The following STC1 variants were observed in gnomAD, a reference collection of about 807,000 sequenced individuals.
STC1 encodes stanniocalcin-1.
STC1 carries 7 observed loss-of-function variants against 22.6 expected under a neutral mutation model. The ratio of observed to expected loss-of-function variants is 0.31; its 90% CI spans 0.18 to 0.58. The LOEUF (loss-of-function observed/expected upper bound fraction) is 0.58. Among genes scored for constraint, STC1 ranks in the 20% least tolerant of loss-of-function variants. STC1 has a pLI of 0.89. For missense variants in STC1, 224 were observed against 311.0 expected (o/e 0.72, Z 2.10); for synonymous variants, 113 against 120.7 (o/e 0.94, Z 0.42).
chr8:23,850,526 A>G (rs1242717761), intron 3 of STC1, among the ~76,000 whole-genome samples: 29 of 152,306 alleles, frequency 1.9e-4, no homozygotes, highest in Admixed American at 1.9e-3. Flanking sequence ...GGCCACGCAC[A>G]TGAACTGAGG....
At position 23,854,656 on chromosome 8, in the gene STC1, T is replaced by A. The variant is rs902486723; in HGVS notation, c.-133A>T. Reference sequence around the variant, plus strand: ...GCTTAGGTGAGGATTTGATGAGGATTTTTTTTTGTTGTTGTTGCTGGTGAT... The same window carrying A: ...GCTTAGGTGAGGATTTGATGAGGATATTTTTTTGTTGTTGTTGCTGGTGAT... On this transcript the variant is annotated 5_prime_UTR_variant, in exon 1 of 4. Coordinates refer to ENST00000290271, the MANE Select transcript of STC1 (RefSeq NM_003155.3). 3.5e-6 allele frequency: 3 copies of A among 864,852 alleles called. No homozygotes were observed. The highest frequency in any genetic ancestry group is 5.9e-6 in the Non-Finnish European group (3 of 511,782). 53.6% of individuals were successfully genotyped at this position (864,852 alleles called of 1,614,324 possible).
intron 1 of STC1, among the ~76,000 whole-genome samples, chr8:23,852,983 A>G (rs1304173876): frequency 6.6e-6 from 1 of 152,148 alleles, no homozygotes; most frequent in Non-Finnish European, 1.5e-5. Flanking sequence ...ACCCTCCACT[A>G]GGACAGTGCT....
In STC1 at chr8:23,854,770, C is replaced by G; in HGVS notation, c.-247G>C. 1.7e-6 allele frequency: 1 copy of G among 604,512 alleles called. No individual in the cohort carries two copies. 37.4% of individuals were successfully genotyped at this position (604,512 alleles called of 1,614,324 possible). ...ACCGCCGCTGCTGCTGCTGCTGCTG[C>G]AGTCGCTGCTTCTTGCACCTCTGGC... On this transcript the variant is annotated 5_prime_UTR_variant, in exon 1 of 4. Coordinates refer to ENST00000290271, the MANE Select transcript of STC1 (RefSeq NM_003155.3).
chr8:23,844,859 G>T lies in STC1; in HGVS notation c.655C>A (p.Pro219Thr). Residue 219 changes from proline (P) to threonine (T), a missense_variant, in exon 4 of 4, where the codon CCG becomes ACG. Coordinates refer to ENST00000290271, the MANE Select transcript of STC1 (RefSeq NM_003155.3). ...ADFNRRRTNE[P>T]QKLKVLLRNL... ...CTGAGGAGGACTTTCAGCTTCTGCGGCTCATTGGTGCGTCTCCTGTTGAAG... is the reference window on the plus strand; with the variant it reads ...CTGAGGAGGACTTTCAGCTTCTGCGTCTCATTGGTGCGTCTCCTGTTGAAG... 6.2e-7 allele frequency: 1 copy of T among 1,614,070 alleles called. No individual in the cohort carries two copies. Among genetic ancestry groups the T allele is most frequent in the Non-Finnish European group, 8.5e-7 (1 of 1,180,004 alleles).
Position 23,851,356 on chromosome 8 carries a change from G to T in STC1, c.437C>A (p.Thr146Asn). ...SIAKRNPEAITEVVQLPNHFS... is the reference protein window; with the variant it reads ...SIAKRNPEAINEVVQLPNHFS... Reference sequence around the variant, plus strand: ...GTGATTGGGCAGCTGGACGACCTCAGTGATGGCTTCAGGGTTCCGCTTGGC... The same window carrying T: ...GTGATTGGGCAGCTGGACGACCTCATTGATGGCTTCAGGGTTCCGCTTGGC... Residue 146 changes from threonine to asparagine, a missense_variant, in exon 3 of 4, where the codon ACT (threonine) becomes AAT (asparagine). Physicochemically the swap from Thr to Asn is moderately conservative, Grantham distance 65. Coordinates refer to ENST00000290271, the MANE Select transcript of STC1 (RefSeq NM_003155.3). 2.5e-6 allele frequency: 4 copies of T among 1,614,136 alleles called. No homozygotes were observed. The highest frequency in any genetic ancestry group is 3.4e-6 in the Non-Finnish European group (4 of 1,180,044).
At chr8:23,850,199 T>G (rs1246514657) in intron 3 of STC1, among the ~76,000 whole-genome samples, 3 of 152,240 alleles carry the variant, frequency 2.0e-5, no homozygotes, top group African/African-American at 7.2e-5. Context: ...TGTACATGAC[T>G]AAATCACTTG....
Position 23,844,584 on chromosome 8 carries a change from T to A in STC1, c.*186A>T. 1 of 674,446 alleles carries A rather than the reference T, an allele frequency of 1.5e-6. No individual in the cohort carries two copies. Among genetic ancestry groups the A allele is most frequent in the Non-Finnish European group, 2.4e-6 (1 of 409,546 alleles). The allele number at this position is 674,446 out of a possible 1,614,324, so 41.8% of individuals were successfully genotyped here. Reference sequence around the variant, plus strand: ...GTCACATGGATTTTGTTGGTGGGAATGCTGCCATTGCAGAATGTTGGGATA... The same window carrying A: ...GTCACATGGATTTTGTTGGTGGGAAAGCTGCCATTGCAGAATGTTGGGATA... On this transcript the variant is annotated 3_prime_UTR_variant, in exon 4 of 4. Coordinates refer to ENST00000290271, the MANE Select transcript of STC1 (RefSeq NM_003155.3).
At chr8:23,846,390 C>T (rs948317821) in intron 3 of STC1, among the ~76,000 whole-genome samples, 17 of 152,236 alleles carry the variant, frequency 1.1e-4, no homozygotes, top group African/African-American at 3.9e-4. Context: ...CCTCTGTGTT[C>T]GCTAATAAGA....
intron 2 of STC1, 67 bp downstream of exon 2, chr8:23,852,175 A>C: frequency 6.3e-7 from 1 of 1,597,358 alleles, no homozygotes; most frequent in Admixed American, 1.7e-5. Flanking sequence ...CTGGTTCCTA[A>C]GAACCATGGT....
rs1802536428 is a variant in STC1, at chr8:23,843,359, G to A, written c.*1411C>T. The A allele has an allele frequency of 6.6e-6, 1 of 151,988 alleles. No individual in the cohort carries two copies. Among genetic ancestry groups the A allele is most frequent in the Non-Finnish European group, 1.5e-5 (1 of 67,954 alleles). The allele number at this position is 151,988 out of a possible 1,614,324, so 9.4% of individuals were successfully genotyped here. On this transcript the variant is annotated 3_prime_UTR_variant, in exon 4 of 4. Transcript: ENST00000290271. Reference sequence around the variant, plus strand: ...TCCTACAGAGATGGTCCAGCTGCCAGGACTACTTTGGCAGGCAGCGTGCTA... The same window carrying A: ...TCCTACAGAGATGGTCCAGCTGCCAAGACTACTTTGGCAGGCAGCGTGCTA...
chr8:23,846,843 TGAG>T (rs1428517309), intron 3 of STC1, among the ~76,000 whole-genome samples: 3 of 152,142 alleles, frequency 2.0e-5, no homozygotes, highest in Non-Finnish European at 4.4e-5. Flanking sequence ...GATGGGGAAA[TGAG>T]GAGAAAACCA....
intron 1 of STC1, among the ~76,000 whole-genome samples, chr8:23,853,767 T>A (rs955938549): frequency 1.8e-4 from 26 of 147,270 alleles, no homozygotes; most frequent in South Asian, 8.9e-4. Flanking sequence ...CGTTTCACAA[T>A]TTTTTTTTTC....
intron 3 of STC1, 82 bp from the exon 4 acceptor site, chr8:23,845,122 AC>A: frequency 6.9e-7 from 1 of 1,457,718 alleles, no homozygotes; most frequent in Non-Finnish European, 9.4e-7. Context: ...GCTCTAGCCA[AC>A]ACGAGTCCCT....
chr8:23,846,835 TG>T (rs1802578962), intron 3 of STC1, among the ~76,000 whole-genome samples: 2 of 152,192 alleles, frequency 1.3e-5, no homozygotes, highest in Admixed American at 6.5e-5. Context: ...CTCCTTTGGA[TG>T]GGGAAATGAG....
intron 3 of STC1, among the ~76,000 whole-genome samples, chr8:23,847,478 A>T (rs1802586672): frequency 6.6e-6 from 1 of 152,150 alleles, no homozygotes; most frequent in Non-Finnish European, 1.5e-5. Flanking sequence ...GCTTTTGTTA[A>T]CTCAGCAAGG....
chr8:23,847,727 G>A (rs1585306060), intron 3 of STC1, among the ~76,000 whole-genome samples: 1 of 152,196 alleles, frequency 6.6e-6, no homozygotes, highest in South Asian at 2.1e-4. Flanking sequence ...AAGAGGTTGT[G>A]TCTCCAGCAA....
At position 23,843,796 on chromosome 8, in the gene STC1, G is replaced by A. The variant is rs1802541273; in HGVS notation, c.*974C>T. 1 of 152,534 alleles carries A rather than the reference G, an allele frequency of 6.6e-6. No individual in the cohort carries two copies. Among genetic ancestry groups the A allele is most frequent in the South Asian group, 2.1e-4 (1 of 4,820 alleles). 9.4% of individuals were successfully genotyped at this position (152,534 alleles called of 1,614,324 possible). A position where few individuals can be genotyped will look rare whatever the true frequency, so the allele number is the denominator to read the frequency against. ...CTGTTGGTTTTTCCTGTCTCATACAGGCCCATCTTAAGTTTTGATGTTGAA... is the reference window on the plus strand; with the variant it reads ...CTGTTGGTTTTTCCTGTCTCATACAAGCCCATCTTAAGTTTTGATGTTGAA... On this transcript the variant is annotated 3_prime_UTR_variant, in exon 4 of 4. Coordinates refer to ENST00000290271, the MANE Select transcript of STC1 (RefSeq NM_003155.3).
chr8:23,849,161 G>T (rs1287563238), intron 3 of STC1, among the ~76,000 whole-genome samples: 1 of 152,190 alleles, frequency 6.6e-6, no homozygotes, highest in Non-Finnish European at 1.5e-5. Flanking sequence ...CAGGAAGGTG[G>T]AATGAACCTG....
Position 23,854,610 on chromosome 8 carries a change from G to T in STC1, c.-87C>A. 1 of 1,125,636 alleles carries T rather than the reference G, an allele frequency of 8.9e-7. No homozygotes were observed. The highest frequency in any genetic ancestry group is 1.4e-6 in the Non-Finnish European group (1 of 738,130). 69.7% of individuals were successfully genotyped at this position (1,125,636 alleles called of 1,614,324 possible). ...TCCCTCTCCTGGCTTGAGTGAAGATGTGGATCTGGATACACTGAAAGCTTA... is the reference window on the plus strand; with the variant it reads ...TCCCTCTCCTGGCTTGAGTGAAGATTTGGATCTGGATACACTGAAAGCTTA... On this transcript the variant is annotated 5_prime_UTR_variant, in exon 1 of 4. Transcript: ENST00000290271.
Sources: gnomAD v4.1 joint callset for allele counts (sites outside exome capture counted in the v4.1 genomes callset) on GRCh38, gnomAD v4.1.1 for gene constraint, MANE v1.5 for transcripts, NCBI Gene and HGNC (gene_info 2026-07-23, HGNC 2026-07-21) for gene names.